MYO9A: variants seen among roughly 807,000 people sequenced by gnomAD.
MYO9A encodes myosin IXA, also known as unconventional myosin-IXa.
Under a neutral mutation model 293.3 loss-of-function variants are expected in MYO9A, and 103 were observed. The observed-to-expected ratio is 0.35, with a 90% CI of 0.30 to 0.41. The LOEUF (loss-of-function observed/expected upper bound fraction) is 0.41. Ranked by LOEUF, MYO9A falls within the 10% of genes least tolerant of loss-of-function variation. The pLI is 1.00. For missense variants in MYO9A, 2,685 were observed against 3,033.0 expected (o/e 0.89, Z 2.69); for synonymous variants, 1,001 against 1,035.7 (o/e 0.97, Z 0.64).
chr15:71,979,936 A>G (rs2076232320), intron 11 of MYO9A, among the ~76,000 whole-genome samples: 1 of 152,186 alleles, frequency 6.6e-6, no homozygotes. Flanking sequence ...TTGAGGAGAG[A>G]GAAGGAATAA....
chr15:71,971,014 A>T (rs1292018756), intron 12 of MYO9A, among the ~76,000 whole-genome samples: 1 of 151,862 alleles, frequency 6.6e-6, no homozygotes, highest in Non-Finnish European at 1.5e-5. Context: ...CAAAAAAATT[A>T]GCCGGGCATG....
chr15:71,905,762 C>CA (rs3086807), intron 19 of MYO9A, among the ~76,000 whole-genome samples: 5,579 of 71,832 alleles, frequency 0.078, 868 homozygotes, highest in East Asian at 0.19. Flanking sequence ...GACTCTGTCT[C>CA]AAAAAAAAAA....
At chr15:71,892,918 T>C in intron 26 of MYO9A, 1 of 1,121,838 alleles carries the variant, frequency 8.9e-7, no homozygotes, top group Non-Finnish European at 1.1e-6. Context: ...CAAAGACTAT[T>C]TCCATCAGAT....
chr15:72,041,295 A>G (rs1461714255), intron 2 of MYO9A: 2 of 900,714 alleles, frequency 2.2e-6, no homozygotes, highest in East Asian at 3.3e-5. Flanking sequence ...TTATTTGCCT[A>G]GTTCACTTTC....
At chr15:72,081,900 T>C (rs549781909) in intron 1 of MYO9A, among the ~76,000 whole-genome samples, 1 of 152,308 alleles carries the variant, frequency 6.6e-6, no homozygotes, top group South Asian at 2.1e-4. Flanking sequence ...ATATGTCTAT[T>C]TTTGTCCCAG....
At chr15:71,920,967 A>G (rs2058141562) in intron 18 of MYO9A, among the ~76,000 whole-genome samples, 1 of 152,180 alleles carries the variant, frequency 6.6e-6, no homozygotes, top group Non-Finnish European at 1.5e-5. Flanking sequence ...TCAAGATTTG[A>G]GCCCAAGTGA....
At chr15:72,094,404 CAAGT>C (rs2080013157) in intron 1 of MYO9A, among the ~76,000 whole-genome samples, 1 of 90,936 alleles carries the variant, frequency 1.1e-5, no homozygotes, top group Admixed American at 1.2e-4. Context: ...AACCCTGTGT[CAAGT>C]AAGTCAACAG....
chr15:72,001,017 G>C (rs532143690), intron 8 of MYO9A, among the ~76,000 whole-genome samples: 1 of 152,234 alleles, frequency 6.6e-6, no homozygotes, highest in East Asian at 1.9e-4. Flanking sequence ...CATATTTTCA[G>C]CTTTAGAGAA....
intron 11 of MYO9A, among the ~76,000 whole-genome samples, chr15:71,989,532 G>A (rs1225068715): frequency 1.3e-5 from 2 of 152,206 alleles, no homozygotes; most frequent in East Asian, 3.8e-4. Context: ...TGGGTTGAAT[G>A]CTTGGATGTA....
chr15:71,881,743 A>G (rs1255675857), intron 28 of MYO9A, among the ~76,000 whole-genome samples: 1 of 152,190 alleles, frequency 6.6e-6, no homozygotes, highest in Non-Finnish European at 1.5e-5. Context: ...TGTCATTATG[A>G]AGCAAACACA....
chr15:72,022,646 C>T (rs1043466585), intron 4 of MYO9A, among the ~76,000 whole-genome samples: 2 of 152,078 alleles, frequency 1.3e-5, no homozygotes, highest in Non-Finnish European at 2.9e-5. Flanking sequence ...CTCCTAGGCC[C>T]AAGTGATTCT....
At chr15:71,985,621 C>G (rs2076389869) in intron 11 of MYO9A, among the ~76,000 whole-genome samples, 1 of 152,124 alleles carries the variant, frequency 6.6e-6, no homozygotes, top group Non-Finnish European at 1.5e-5. Context: ...TACTCTCAAG[C>G]CTGGCCCTTT....
chr15:71,825,049 G>A lies in MYO9A; in HGVS notation c.*1531C>T, dbSNP rs368434323. ...TTCAGAGCAGTGCATGTAGTAGCAA[G>A]ACAAGATGCATTTAGTAACTTTAAA... On this transcript the variant is annotated 3_prime_UTR_variant, in exon 42 of 42. Coordinates refer to ENST00000356056, the MANE Select transcript of MYO9A (RefSeq NM_006901.4). 15 of 152,324 alleles carry A rather than the reference G, an allele frequency of 9.8e-5. No homozygotes were observed. Among genetic ancestry groups the A allele is most frequent in the African/African-American group, 3.6e-4 (15 of 41,568 alleles). The allele number at this position is 152,324 out of a possible 1,614,324, so 9.4% of individuals were successfully genotyped here.
rs563717213 is a variant in MYO9A, at chr15:71,854,680, T to C, written c.6154-111A>G. 3.9e-5 allele frequency: 31 copies of C among 787,652 alleles called. No homozygotes were observed. In the African/African-American group the frequency reaches 5.2e-4, roughly 13 times the overall value. The allele number at this position is 787,652 out of a possible 1,614,324, so 48.8% of individuals were successfully genotyped here. A position where few individuals can be genotyped will look rare whatever the true frequency, so the allele number is the denominator to read the frequency against. ...TTATTTCTCTGAAGTTTTATGAGCA[T>C]AGTTAGAAGAGTTGGGAGAAAGGGA... On this transcript the variant is annotated intron_variant, in intron 34 of 41. Transcript: ENST00000356056.
At chr15:71,831,974 C>T (rs1197568072) in intron 39 of MYO9A, among the ~76,000 whole-genome samples, 1 of 152,092 alleles carries the variant, frequency 6.6e-6, no homozygotes, top group African/African-American at 2.4e-5. Context: ...TGGAAAAATT[C>T]ACAAAAGAAA....
chr15:71,866,937 G>A (rs1567211867), intron 32 of MYO9A, among the ~76,000 whole-genome samples: 2 of 151,950 alleles, frequency 1.3e-5, no homozygotes, highest in African/African-American at 2.4e-5. Context: ...CACACCTGTG[G>A]TCCCAGCTAC....
chr15:72,003,916 A>C (rs2148784224), intron 8 of MYO9A, among the ~76,000 whole-genome samples: 1 of 152,292 alleles, frequency 6.6e-6, no homozygotes. Flanking sequence ...TTCTCTGCTA[A>C]TGATCCTTCT....
chr15:72,047,384 T>G (rs993810104), intron 1 of MYO9A, among the ~76,000 whole-genome samples: 1 of 152,210 alleles, frequency 6.6e-6, no homozygotes. Flanking sequence ...TACCTAACCT[T>G]ATTTATTGCA....
chr15:71,850,238 G>C, intron 37 of MYO9A, 71 bp from the exon 38 acceptor site: 2 of 1,541,998 alleles, frequency 1.3e-6, no homozygotes, highest in South Asian at 1.1e-5. Flanking sequence ...GAAATAGGCA[G>C]AAGAGATGAG....
Sources: allele counts gnomAD v4.1 joint callset (sites outside exome capture counted in the v4.1 genomes callset), GRCh38; gene constraint gnomAD v4.1.1; transcripts MANE v1.5; gene names NCBI Gene and HGNC (gene_info 2026-07-23, HGNC 2026-07-21).